Variants in MAGED1 observed in about 807,000 individuals in gnomAD.
MAGED1 encodes melanoma-associated antigen D1.
In MAGED1, 3 loss-of-function variants were observed where a neutral mutation model predicts 54.1. The ratio of observed to expected loss-of-function variants is 0.06; its 90% confidence interval spans 0.03 to 0.14. The LOEUF is 0.14. Ranked by LOEUF, MAGED1 falls within the 10% of genes least tolerant of loss-of-function variation. The pLI is 1.00. For missense variants in MAGED1, 485 were observed against 623.4 expected (o/e 0.78, Z 2.36); for synonymous variants, 217 against 227.3 (o/e 0.95, Z 0.41).
At chrX:51,807,554 C>T (rs1925076690) in intron 1 of MAGED1, among the ~76,000 whole-genome samples, 2 of 111,186 alleles carry the variant, frequency 1.8e-5, no homozygotes, top group South Asian at 7.7e-4. Flanking sequence ...TATTGTTTAA[C>T]CTTTCATATT....
At chrX:51,868,890 G>T (rs1244012136) in intron 1 of MAGED1, among the ~76,000 whole-genome samples, 1 of 111,994 alleles carries the variant, frequency 8.9e-6, no homozygotes, top group African/African-American at 3.2e-5. Context: ...GATGGATACA[G>T]TGAGCATGGG....
chrX:51,833,356 C>G (rs1557357626), intron 1 of MAGED1, among the ~76,000 whole-genome samples: 1 of 109,121 alleles, frequency 9.2e-6, no homozygotes, highest in African/African-American at 3.3e-5. Context: ...TTAGTTTTTT[C>G]TATATTTCTC....
Position 51,821,483 on chromosome X carries a change from C to T in MAGED1, c.-37+18366C>T, listed in dbSNP as rs1323800857. ...TCTGCTCACTGCAGCCTCGACCTCC[C>T]GGGTTCAAGTGATCCTCCTGCCTCA... On this transcript the variant is annotated intron_variant, in intron 1 of 12. Coordinates refer to the MAGED1 transcript ENST00000375772. Among the ~76,000 whole-genome samples, 12 of 111,064 alleles carry T rather than the reference C, an allele frequency of 1.1e-4. No individual in the cohort carries two copies. In the East Asian group the frequency reaches 2.8e-3, roughly 26 times the overall value.
At chrX:51,812,444 A>G (rs1925253528) in intron 1 of MAGED1, among the ~76,000 whole-genome samples, 1 of 111,665 alleles carries the variant, frequency 9.0e-6, no homozygotes, top group African/African-American at 3.3e-5. Context: ...GGCAACCACT[A>G]ATATACTCTC....
intron 1 of MAGED1, among the ~76,000 whole-genome samples, chrX:51,876,176 A>C (rs782686675): frequency 1.8e-5 from 2 of 111,420 alleles, no homozygotes; most frequent in African/African-American, 6.5e-5. Context: ...TTAACATCAA[A>C]TAATTCATTA....
At chrX:51,824,700 GTC>G (rs1303089516) in intron 1 of MAGED1, among the ~76,000 whole-genome samples, 1 of 62,004 alleles carries the variant, frequency 1.6e-5, no homozygotes. Flanking sequence ...TGTTTATATT[GTC>G]TCTGTGTGTG....
In MAGED1 at chrX:51,862,638, T is replaced by C. The variant is rs1396561586; in HGVS notation, c.-36-31631T>C. 2.7e-5 allele frequency among the ~76,000 whole-genome samples: 3 copies of C among 111,738 alleles called. No individual in the cohort carries two copies. In the East Asian group the frequency reaches 8.4e-4, roughly 31 times the overall value. ...TAGTTGTACGAGAAAAGGGTACTGTTGCCCCTGTTAGATAGTCTCCCAGGA... is the reference window on the plus strand; with the variant it reads ...TAGTTGTACGAGAAAAGGGTACTGTCGCCCCTGTTAGATAGTCTCCCAGGA... On this transcript the variant is annotated intron_variant, in intron 1 of 12. Coordinates refer to the MAGED1 transcript ENST00000375772.
At position 51,895,767 on chromosome X, in the gene MAGED1, T is replaced by A; in HGVS notation, c.753+7T>A. On this transcript the variant is annotated splice_region_variant and intron_variant, in intron 3 of 12. Coordinates refer to ENST00000326587, the MANE Select transcript of MAGED1 (RefSeq NM_006986.4). ...GGGCAAGAGGACCCGCAAGGTGAGA[T>A]CTCTGCTAACTTCATTTTGCTTTGG... 8.7e-7 allele frequency: 1 copy of A among 1,147,489 alleles called. No homozygotes were observed. Among genetic ancestry groups the A allele is most frequent in the Non-Finnish European group, 1.2e-6 (1 of 857,684 alleles). 94.6% of individuals were successfully genotyped at this position (1,147,489 alleles called of 1,213,427 possible).
At chrX:51,818,396 T>G (rs1254297905) in intron 1 of MAGED1, among the ~76,000 whole-genome samples, 1 of 111,487 alleles carries the variant, frequency 9.0e-6, no homozygotes, top group Non-Finnish European at 1.9e-5. Context: ...ACCTGGGTCT[T>G]CTGTCATATA....
At chrX:51,806,561 A>G (rs941043810) in intron 1 of MAGED1, among the ~76,000 whole-genome samples, 6 of 111,525 alleles carry the variant, frequency 5.4e-5, no homozygotes, top group Non-Finnish European at 1.1e-4. Flanking sequence ...ATGTACCACA[A>G]TGTAGTTATC....
chrX:51,896,418 T>G lies in MAGED1; in HGVS notation c.763T>G (p.Leu255Val). ...RGKRTRKINN[L>V]NVEENSSGDQ... is the part of the protein sequence containing the mutation. ...CTCTCTGATGATGCAGATTAATAAC[T>G]TGAATGTTGAAGAGAACAGCAGTGG... Residue 255 changes from leucine to valine, a missense_variant, in exon 4 of 13, where the codon TTG becomes GTG. Coordinates refer to ENST00000326587, the MANE Select transcript of MAGED1 (RefSeq NM_006986.4). 1 of 1,205,042 alleles carries G rather than the reference T, an allele frequency of 8.3e-7. No individual in the cohort carries two copies. Among genetic ancestry groups the G allele is most frequent in the South Asian group, 1.8e-5 (1 of 55,951 alleles).
chrX:51,815,028 A>G (rs1243509720), intron 1 of MAGED1, among the ~76,000 whole-genome samples: 2 of 106,596 alleles, frequency 1.9e-5, no homozygotes, highest in South Asian at 4.4e-4. Flanking sequence ...CTGTGGTCCC[A>G]GGTACTCTGG....
intron 1 of MAGED1, among the ~76,000 whole-genome samples, chrX:51,848,164 T>C (rs782773276): frequency 1.8e-5 from 2 of 112,071 alleles, no homozygotes; most frequent in African/African-American, 6.5e-5. Flanking sequence ...GACTGGCCAT[T>C]CTTTTTTCAT....
At chrX:51,813,636 A>G (rs1210776875) in intron 1 of MAGED1, among the ~76,000 whole-genome samples, 4 of 112,051 alleles carry the variant, frequency 3.6e-5, no homozygotes, top group African/African-American at 9.7e-5. Flanking sequence ...GGTGTTATCA[A>G]TCTGAACACT....
intron 1 of MAGED1, among the ~76,000 whole-genome samples, chrX:51,873,514 T>G (rs1259057451): frequency 5.2e-5 from 2 of 38,660 alleles, no homozygotes; most frequent in African/African-American, 1.9e-4. Context: ...TGTGTTAGAC[T>G]GTGTGTGTGT....
At chrX:51,873,195 A>C (rs1456141892) in intron 1 of MAGED1, among the ~76,000 whole-genome samples, 2 of 111,206 alleles carry the variant, frequency 1.8e-5, no homozygotes, top group African/African-American at 6.5e-5. Context: ...GAGAGTGAGC[A>C]AGAGTAGGGA....
rs917701336 is a variant in MAGED1 at position 51,824,767 on chromosome X, C to A, written c.-37+21650C>A. On this transcript the variant is annotated intron_variant, in intron 1 of 12. Coordinates refer to the MAGED1 transcript ENST00000375772. Reference sequence around the variant, plus strand: ...ATATATATACACATACATATATACACGTATGTATATATACACATATATATA... The same window carrying A: ...ATATATATACACATACATATATACAAGTATGTATATATACACATATATATA... Among the ~76,000 whole-genome samples, 3 of 74,438 alleles carry A rather than the reference C, an allele frequency of 4.0e-5. No individual in the cohort carries two copies. The East Asian group carries it at 1.3e-3, about 31-fold the overall frequency. The allele number at this position is 74,438 out of a possible 115,157, so 64.6% of individuals were successfully genotyped here.
chrX:51,836,912 A>ATC (rs782710182), intron 1 of MAGED1, among the ~76,000 whole-genome samples: 15 of 111,504 alleles, frequency 1.3e-4, no homozygotes, highest in Non-Finnish European at 2.6e-4. Flanking sequence ...GCCTTTGCAG[A>ATC]TCTCAGGAGT....
At chrX:51,809,652 T>C (rs1225710902) in intron 1 of MAGED1, among the ~76,000 whole-genome samples, 2 of 111,570 alleles carry the variant, frequency 1.8e-5, no homozygotes, top group Non-Finnish European at 3.8e-5. Flanking sequence ...CTTTCTATTG[T>C]ATTTTATCAT....
Sources: allele counts gnomAD v4.1 joint callset (sites outside exome capture counted in the v4.1 genomes callset), GRCh38; gene constraint gnomAD v4.1.1; transcripts MANE v1.5; gene names NCBI Gene and HGNC (gene_info 2026-07-23, HGNC 2026-07-21).